The following MYO16 variants were observed in gnomAD, a reference collection of about 807,000 sequenced individuals.
MYO16 encodes the protein myosin XVI, also known as unconventional myosin-XVI.
A neutral mutation model predicts 205.3 loss-of-function variants in MYO16; 94 were observed. The observed-to-expected ratio is 0.46, with a 90% confidence interval of 0.39 to 0.54. The LOEUF (loss-of-function observed/expected upper bound fraction) is 0.54, where lower values mean the gene tolerates loss of function less well. MYO16 is among the 20% of genes least tolerant of loss of function. The pLI is 0.00. For missense variants in MYO16, 2,315 were observed against 2,387.5 expected (o/e 0.97, Z 0.63); for synonymous variants, 988 against 954.0 (o/e 1.04, Z -0.66).
At chr13:108,682,829 C>A (rs1359774660) in intron 2 of MYO16, among the ~76,000 whole-genome samples, 1 of 152,076 alleles carries the variant, frequency 6.6e-6, no homozygotes, top group Non-Finnish European at 1.5e-5. Flanking sequence ...GGGCAAGAGT[C>A]CCCTGGTTAG....
At chr13:108,948,202 G>T (rs1883007246) in intron 16 of MYO16, among the ~76,000 whole-genome samples, 1 of 152,190 alleles carries the variant, frequency 6.6e-6, no homozygotes, top group Admixed American at 6.5e-5. Context: ...AAAGTGTGCT[G>T]TCTTTATTGA....
intron 27 of MYO16, among the ~76,000 whole-genome samples, chr13:109,093,252 A>G (rs1403530439): frequency 4.6e-5 from 7 of 152,206 alleles, no homozygotes; most frequent in Non-Finnish European, 8.8e-5. Flanking sequence ...CATCACAAGA[A>G]AAGTGAGGCA....
the MYO16 span, among the ~76,000 whole-genome samples, chr13:108,562,251 A>C: frequency 1.2e-4 from 18 of 152,108 alleles, no homozygotes; most frequent in African/African-American, 4.1e-4. Flanking sequence ...TCTTTTTAGA[A>C]GGGCCCTAAT....
chr13:108,680,500 T>C (rs1291769449), intron 2 of MYO16, among the ~76,000 whole-genome samples: 1 of 152,202 alleles, frequency 6.6e-6, no homozygotes, highest in African/African-American at 2.4e-5. Flanking sequence ...AACTCTATAA[T>C]GCAGGCTTTG....
intron 28 of MYO16, among the ~76,000 whole-genome samples, chr13:109,102,280 T>C (rs1333884854): frequency 6.6e-6 from 1 of 152,060 alleles, no homozygotes; most frequent in Non-Finnish European, 1.5e-5. Context: ...GTCAGTGACA[T>C]AGGGGTGGGA....
intron 20 of MYO16, among the ~76,000 whole-genome samples, chr13:108,975,329 T>G (rs2139401564): frequency 6.6e-6 from 1 of 152,306 alleles, no homozygotes; most frequent in Non-Finnish European, 1.5e-5. Flanking sequence ...TGCTTGTGAT[T>G]ATTTTATTCT....
At chr13:108,902,271 G>C (rs1032099047) in intron 15 of MYO16, among the ~76,000 whole-genome samples, 1 of 152,210 alleles carries the variant, frequency 6.6e-6, no homozygotes, top group East Asian at 1.9e-4. Context: ...GGAAGGGGCA[G>C]ACACCAGCTG....
rs764378748 is a variant in MYO16, at chr13:109,179,574, T to C, written c.5356T>C (p.Ser1786Pro). The change falls in exon 34 of 35, where the codon TCT becomes CCT. Residue 1786 changes from serine to proline, a missense_variant. Coordinates refer to ENST00000457511, the MANE Select transcript of MYO16 (RefSeq NM_001198950.3). ...LPEEDGYSRL[S>P]ISGTGTSTFQ... ...TGAAGAAGATGGATACTCACGGTTG[T>C]CTATAAGTGGCACAGGGACTTCGAC... The C allele has an allele frequency of 3.1e-6, 5 of 1,613,926 alleles. No individual in the cohort carries two copies. The East Asian group carries it at 1.1e-4, about 36-fold the overall frequency.
chr13:108,562,818 T>C, the MYO16 span, among the ~76,000 whole-genome samples: 5 of 152,216 alleles, frequency 3.3e-5, no homozygotes, highest in Non-Finnish European at 7.4e-5. Context: ...ACCATATGGC[T>C]TGGGTGTGTA....
chr13:108,888,594 TAAAG>T (rs765794910), intron 14 of MYO16, 117 bp downstream of exon 14: 4 of 522,222 alleles, frequency 7.7e-6, no homozygotes, highest in Non-Finnish European at 1.3e-5. Flanking sequence ...TTTGTGGAAA[TAAAG>T]AATAAAAAAT....
At chr13:109,100,648 C>A in intron 27 of MYO16, 137 bp from the exon 28 acceptor site, 1 of 592,008 alleles carries the variant, frequency 1.7e-6, no homozygotes, top group South Asian at 2.2e-5. Context: ...GCACAATGGA[C>A]AGGTATTTGG....
At chr13:108,524,354 A>G in the MYO16 span, among the ~76,000 whole-genome samples, 251 of 151,812 alleles carry the variant, frequency 1.7e-3, no homozygotes, top group African/African-American at 5.3e-3. Context: ...AGTGTGTGGC[A>G]CTTCCCCTGA....
intron 24 of MYO16, among the ~76,000 whole-genome samples, chr13:109,049,926 C>G (rs534282493): frequency 0.025 from 2,646 of 105,974 alleles, 45 homozygotes; most frequent in South Asian, 0.055. Context: ...TTCCTTTGTC[C>G]TGTGTGTGTG....
At chr13:109,126,901 A>C (rs1013970214) in intron 30 of MYO16, among the ~76,000 whole-genome samples, 3 of 152,220 alleles carry the variant, frequency 2.0e-5, no homozygotes, top group African/African-American at 7.2e-5. Flanking sequence ...TGGATTTGCC[A>C]GAAATTATCA....
At chr13:109,010,957 TTATATATATATATATATATTTCTTC>T (rs1885573630) in intron 22 of MYO16, among the ~76,000 whole-genome samples, 1 of 118,572 alleles carries the variant, frequency 8.4e-6, no homozygotes, top group Admixed American at 8.5e-5. Flanking sequence ...ACATATAATA[TTATATATATATATATATATTTCTTC>T]ACCTCCAGCC....
intron 1 of MYO16, among the ~76,000 whole-genome samples, chr13:108,607,498 C>T (rs921423456): frequency 6.6e-6 from 1 of 152,070 alleles, no homozygotes; most frequent in Admixed American, 6.6e-5. Context: ...TTCTCCTGTG[C>T]CATATGAAGA....
chr13:108,972,627 G>T (rs901963622), intron 20 of MYO16, among the ~76,000 whole-genome samples: 1 of 151,024 alleles, frequency 6.6e-6, no homozygotes, highest in Non-Finnish European at 1.5e-5. Context: ...AGAGATAGGG[G>T]CATTGTTTTT....
At chr13:109,181,905 C>G (rs1879472173) in intron 34 of MYO16, among the ~76,000 whole-genome samples, 1 of 151,658 alleles carries the variant, frequency 6.6e-6, no homozygotes, top group African/African-American at 2.4e-5. Flanking sequence ...ACTGCAACCT[C>G]CACCTCCCGG....
intron 27 of MYO16, among the ~76,000 whole-genome samples, chr13:109,062,346 G>T (rs1887618839): frequency 6.6e-6 from 1 of 152,112 alleles, no homozygotes; most frequent in Admixed American, 6.5e-5. Flanking sequence ...CTTGGCATTG[G>T]AGATTAAGTG....
Sources: allele counts gnomAD v4.1 joint callset (sites outside exome capture counted in the v4.1 genomes callset), GRCh38; gene constraint gnomAD v4.1.1; transcripts MANE v1.5; gene names NCBI Gene and HGNC (gene_info 2026-07-23, HGNC 2026-07-21).